The following PTPRD variants were observed in gnomAD, a reference collection of about 807,000 sequenced individuals.
The protein encoded by PTPRD is protein tyrosine phosphatase receptor type D.
A neutral mutation model predicts 214.5 loss-of-function variants in PTPRD; 34 were observed. The observed-to-expected ratio is 0.16, with a 90% CI of 0.12 to 0.21. The LOEUF is 0.21. Ranked by LOEUF, PTPRD falls within the 10% of genes least tolerant of loss-of-function variation. The pLI is 1.00. For synonymous variants in PTPRD, 1,128 were observed against 845.7 expected, an observed-to-expected ratio of 1.33 and a Z score of -5.79; for missense variants, 2,545 against 2,398.7, an observed-to-expected ratio of 1.06 and a Z score of -1.27.
chr9:8,932,330 C>T (rs947284568), intron 11 of PTPRD, among the ~76,000 whole-genome samples: 2 of 152,134 alleles, frequency 1.3e-5, no homozygotes, highest in East Asian at 3.9e-4. Context: ...ACTGCTTTAG[C>T]TGTGTCCCAG....
chr9:9,152,648 C>T (rs1592516105), intron 10 of PTPRD, among the ~76,000 whole-genome samples: 1 of 152,150 alleles, frequency 6.6e-6, no homozygotes, highest in Non-Finnish European at 1.5e-5. Context: ...GTAATTTTCA[C>T]CTTTCGAATA....
intron 9 of PTPRD, among the ~76,000 whole-genome samples, chr9:9,385,505 T>C (rs1586731303): frequency 6.6e-6 from 1 of 152,172 alleles, no homozygotes; most frequent in Admixed American, 6.6e-5. Context: ...AATCCTTTCA[T>C]ATATATTTTC....
intron 7 of PTPRD, among the ~76,000 whole-genome samples, chr9:9,606,717 A>C (rs925251804): frequency 6.6e-6 from 1 of 151,906 alleles, no homozygotes; most frequent in African/African-American, 2.4e-5. Flanking sequence ...GAATACTCTA[A>C]AAACAAGGTC....
At chr9:8,953,716 A>G (rs894101939) in intron 11 of PTPRD, among the ~76,000 whole-genome samples, 1 of 152,116 alleles carries the variant, frequency 6.6e-6, no homozygotes, top group Non-Finnish European at 1.5e-5. Flanking sequence ...TTAACAGAAG[A>G]CATACAAGCA....
intron 3 of PTPRD, among the ~76,000 whole-genome samples, chr9:10,140,949 G>A (rs921324603): frequency 6.6e-5 from 10 of 151,850 alleles, no homozygotes; most frequent in African/African-American, 1.9e-4. Flanking sequence ...TTCATTATAC[G>A]CAAATCAATA....
chr9:9,082,473 T>C (rs999307853), intron 10 of PTPRD, among the ~76,000 whole-genome samples: 65 of 152,078 alleles, frequency 4.3e-4, no homozygotes, highest in African/African-American at 1.5e-3. Flanking sequence ...AAGAGGTATT[T>C]ATGACAAACC....
In PTPRD at chr9:10,249,649, T is replaced by G. The variant is rs189722520; in HGVS notation, c.-545+91314A>C. ...TTTTATTGCATTTTTTCCAACACATTTTCCTATTGGTTTGTCTTATGAGAA... is the reference window on the plus strand; with the variant it reads ...TTTTATTGCATTTTTTCCAACACATGTTCCTATTGGTTTGTCTTATGAGAA... On this transcript the variant is annotated intron_variant, in intron 3 of 45. Transcript: ENST00000381196. Among the ~76,000 whole-genome samples the G allele has an allele frequency of 7.8e-4, 119 of 152,304 alleles. 1 individual carries two copies. Among genetic ancestry groups the G allele is most frequent in the Non-Finnish European group, 4.4e-4 (30 of 68,016 alleles).
At chr9:8,850,874 A>G (rs2097795147) in intron 11 of PTPRD, among the ~76,000 whole-genome samples, 1 of 152,218 alleles carries the variant, frequency 6.6e-6, no homozygotes, top group African/African-American at 2.4e-5. Context: ...GTCCCTTTAG[A>G]TGGGATGGGC....
chr9:8,926,699 T>C (rs2098897308), intron 11 of PTPRD, among the ~76,000 whole-genome samples: 1 of 152,194 alleles, frequency 6.6e-6, no homozygotes, highest in South Asian at 2.1e-4. Flanking sequence ...TATTTCTTCC[T>C]TGCTCACATT....
At chr9:9,762,406 C>T (rs554168800) in intron 6 of PTPRD, among the ~76,000 whole-genome samples, 2 of 152,280 alleles carry the variant, frequency 1.3e-5, no homozygotes, top group South Asian at 2.1e-4. Flanking sequence ...GCAATATAAA[C>T]AGACTGAAAA....
intron 31 of PTPRD, 21 bp from the exon 32 acceptor site, chr9:8,465,696 A>G (rs1196828369): frequency 6.3e-7 from 1 of 1,581,994 alleles, no homozygotes; most frequent in Non-Finnish European, 8.6e-7. Flanking sequence ...AAAGTGGGAA[A>G]CAGAAAAAGA....
In PTPRD at chr9:8,468,798, GAA is replaced by G. The variant is rs35027583; in HGVS notation, c.3504+2195_3504+2196del. ...TACAGTGCTTTTATTATCCATGGTA[GAA>G]AAAAAAAAAAAAAAAAACTCTCTGT... is the stretch of plus-strand genomic sequence containing the variant. On this transcript the variant is annotated intron_variant, in intron 31 of 45. Coordinates refer to ENST00000381196, the MANE Select transcript of PTPRD (RefSeq NM_002839.4). Among the ~76,000 whole-genome samples, 783 of 123,500 alleles carry G rather than the reference GAA, an allele frequency of 6.3e-3. 7 individuals carry two copies. Among genetic ancestry groups the G allele is most frequent in the African/African-American group, 0.022 (710 of 32,062 alleles). The allele number at this position is 123,500 out of a possible 152,430, so 81.0% of individuals were successfully genotyped here.
chr9:9,507,771 C>G lies in PTPRD; in HGVS notation c.-237+66961G>C, dbSNP rs1216279788. Among the ~76,000 whole-genome samples, 6 of 151,438 alleles carry G rather than the reference C, an allele frequency of 4.0e-5. No individual in the cohort carries two copies. In the South Asian group the frequency reaches 8.3e-4, roughly 21 times the overall value. ...TATGTAACACTTAATGATCCAGATG[C>G]AGATAAAAATCTGTTTATAAAGATG... On this transcript the variant is annotated intron_variant, in intron 8 of 45. Coordinates refer to ENST00000381196, the MANE Select transcript of PTPRD (RefSeq NM_002839.4).
At chr9:9,279,204 T>C (rs1307259390) in intron 9 of PTPRD, among the ~76,000 whole-genome samples, 2 of 150,550 alleles carry the variant, frequency 1.3e-5, no homozygotes, top group Non-Finnish European at 3.0e-5. Flanking sequence ...GTGTATATGA[T>C]TATATACATC....
chr9:8,542,798 A>G (rs2078823362), intron 14 of PTPRD, among the ~76,000 whole-genome samples: 1 of 152,226 alleles, frequency 6.6e-6, no homozygotes, highest in African/African-American at 2.4e-5. Context: ...GCTTCAGCCT[A>G]CACACGTGAG....
At chr9:10,434,804 CA>C (rs1478145786) in intron 2 of PTPRD, among the ~76,000 whole-genome samples, 3 of 151,820 alleles carry the variant, frequency 2.0e-5, no homozygotes, top group Non-Finnish European at 4.4e-5. Flanking sequence ...TTATTATATG[CA>C]GTTATAGTCT....
chr9:8,434,933 G>A (rs746684551), intron 35 of PTPRD, among the ~76,000 whole-genome samples: 7 of 152,144 alleles, frequency 4.6e-5, no homozygotes, highest in Non-Finnish European at 8.8e-5. Context: ...AATAAGCTGC[G>A]ACCATTTGAG....
At chr9:8,932,868 A>G (rs540652013) in intron 11 of PTPRD, among the ~76,000 whole-genome samples, 9 of 152,114 alleles carry the variant, frequency 5.9e-5, no homozygotes, top group African/African-American at 2.2e-4. Flanking sequence ...TCGCCTTTCC[A>G]GGGGAATGAA....
intron 3 of PTPRD, among the ~76,000 whole-genome samples, chr9:10,054,417 T>C (rs1369323356): frequency 6.6e-6 from 1 of 152,148 alleles, no homozygotes; most frequent in Non-Finnish European, 1.5e-5. Flanking sequence ...AGAACCAAGA[T>C]GCCCTTAAAG....
Sources: allele counts gnomAD v4.1 joint callset (sites outside exome capture counted in the v4.1 genomes callset), GRCh38; gene constraint gnomAD v4.1.1; transcripts MANE v1.5; gene names NCBI Gene and HGNC (gene_info 2026-07-23, HGNC 2026-07-21).